Variants in UGT1A8 observed in about 807,000 individuals in gnomAD.
The protein encoded by UGT1A8 is UDP glucuronosyltransferase family 1 member A8.
In UGT1A8, 39 loss-of-function variants were observed where a neutral mutation model predicts 45.3. The ratio of observed to expected loss-of-function variants is 0.86; its 90% CI spans 0.67 to 1.12. The LOEUF (loss-of-function observed/expected upper bound fraction) is 1.12, where lower values mean the gene tolerates loss of function less well. Ranked by LOEUF, UGT1A8 falls within the 50% of genes most tolerant of loss-of-function variation. The probability of loss-of-function intolerance (pLI) is 0.00; values close to 1 mark genes in which losing one functional copy is unlikely to be tolerated. For synonymous variants in UGT1A8, 275 were observed against 249.2 expected, an observed-to-expected ratio of 1.10 and a Z score of -0.97; for missense variants, 719 against 664.9, an observed-to-expected ratio of 1.08 and a Z score of -0.90.
chr2:233,637,300 G>A, intron 1 of UGT1A8: 1 of 1,613,900 alleles, frequency 6.2e-7, no homozygotes, highest in South Asian at 1.1e-5. Flanking sequence ...CTTTGTTTTG[G>A]ACTATCCCAA....
At chr2:233,666,356 A>G (rs2074075613) in intron 1 of UGT1A8, among the ~76,000 whole-genome samples, 1 of 152,198 alleles carries the variant, frequency 6.6e-6, no homozygotes, top group South Asian at 2.1e-4. Context: ...CAGCTATATC[A>G]TTTGATATGC....
intron 1 of UGT1A8, among the ~76,000 whole-genome samples, chr2:233,661,637 T>TTCTC (rs1299275192): frequency 1.4e-5 from 2 of 138,192 alleles, no homozygotes; most frequent in Non-Finnish European, 3.2e-5. Context: ...CTTTCTTTCT[T>TTCTC]TCTTTCTTTC....
chr2:233,742,039 T>C (rs553186051), intron 1 of UGT1A8: 6 of 152,044 alleles, frequency 3.9e-5, no homozygotes, highest in African/African-American at 1.5e-4. Context: ...GTCCCAAGCA[T>C]AGCAATAGGA....
At chr2:233,649,272 A>G (rs1039598994) in intron 1 of UGT1A8, among the ~76,000 whole-genome samples, 8 of 152,214 alleles carry the variant, frequency 5.3e-5, no homozygotes, top group African/African-American at 1.9e-4. Flanking sequence ...AAAATTTTGA[A>G]ACAGAGTATT....
chr2:233,647,162 C>T (rs114141026), intron 1 of UGT1A8, among the ~76,000 whole-genome samples: 3,030 of 152,256 alleles, frequency 0.02, 97 homozygotes, highest in African/African-American at 0.069. Flanking sequence ...TCACGGGAAA[C>T]GCCCAGCCCC....
chr2:233,681,530 C>CAA (rs747693860), intron 1 of UGT1A8, among the ~76,000 whole-genome samples: 3,703 of 77,430 alleles, frequency 0.048, 125 homozygotes, highest in Non-Finnish European at 0.069. Flanking sequence ...GACTCCATCT[C>CAA]AAAAAAAAAA....
chr2:233,733,069 G>A (rs899757131), intron 1 of UGT1A8, among the ~76,000 whole-genome samples: 2 of 152,108 alleles, frequency 1.3e-5, no homozygotes, highest in African/African-American at 4.8e-5. Context: ...TCTCTTTGTA[G>A]CAATTGTGAA....
intron 1 of UGT1A8, chr2:233,691,515 G>A: frequency 3.0e-6 from 3 of 985,716 alleles, no homozygotes; most frequent in Non-Finnish European, 2.4e-6. Context: ...TGCCAGCCAG[G>A]TGTGCATGAC....
chr2:233,634,199 T>G (rs1559316733), intron 1 of UGT1A8, among the ~76,000 whole-genome samples: 1 of 152,230 alleles, frequency 6.6e-6, no homozygotes, highest in Non-Finnish European at 1.5e-5. Flanking sequence ...TCTGTTCTTT[T>G]GCATTTTCTG....
chr2:233,715,125 A>AT (rs1340415834), intron 1 of UGT1A8, among the ~76,000 whole-genome samples: 1 of 152,104 alleles, frequency 6.6e-6, no homozygotes, highest in Non-Finnish European at 1.5e-5. Flanking sequence ...ATCTCAAGTG[A>AT]TTCACTCACC....
chr2:233,619,133 A>T (rs534440850), intron 1 of UGT1A8, among the ~76,000 whole-genome samples: 56 of 152,144 alleles, frequency 3.7e-4, no homozygotes, highest in African/African-American at 1.3e-3. Flanking sequence ...ATTTATATGC[A>T]ATATCTAATG....
At chr2:233,667,404 T>C (rs1457681333) in intron 1 of UGT1A8, among the ~76,000 whole-genome samples, 2 of 152,214 alleles carry the variant, frequency 1.3e-5, no homozygotes. Flanking sequence ...AAGACTTAAA[T>C]GTTAGACCTT....
chr2:233,690,068 C>T (rs2074973510), intron 1 of UGT1A8, among the ~76,000 whole-genome samples: 1 of 152,216 alleles, frequency 6.6e-6, no homozygotes, highest in South Asian at 2.1e-4. Flanking sequence ...CCCCACCTCA[C>T]AGCCTATCAA....
chr2:233,724,560 G>GCA (rs2077282425), intron 1 of UGT1A8, among the ~76,000 whole-genome samples: 1 of 129,456 alleles, frequency 7.7e-6, no homozygotes, highest in Non-Finnish European at 1.6e-5. Context: ...CATCCCAGAT[G>GCA]GGGCGGCGGG....
At position 233,767,942 on chromosome 2, in the gene UGT1A8, T is replaced by A; in HGVS notation, c.1075+6T>A. On this transcript the variant is annotated splice_donor_region_variant and intron_variant, in intron 3 of 4. Transcript: ENST00000373450. ...ACCCCAAAACGATCTGCTTGGTATG[T>A]TGGGCGGATTGGATGTATAGGTCAA... is the stretch of plus-strand genomic sequence containing the variant. 1 of 1,614,210 alleles carries A rather than the reference T, an allele frequency of 6.2e-7. No individual in the cohort carries two copies. The highest frequency in any genetic ancestry group is 1.3e-5 in the African/African-American group (1 of 75,040).
chr2:233,768,908 GA>G (rs1376378983), intron 4 of UGT1A8, among the ~76,000 whole-genome samples: 2 of 152,020 alleles, frequency 1.3e-5, no homozygotes, highest in African/African-American at 4.8e-5. Context: ...AGATAATTTA[GA>G]GGTTATTATT....
At chr2:233,736,701 G>T (rs1378628991) in intron 1 of UGT1A8, among the ~76,000 whole-genome samples, 1 of 152,172 alleles carries the variant, frequency 6.6e-6, no homozygotes, top group Non-Finnish European at 1.5e-5. Context: ...ATGGGGTTTT[G>T]GTGTAGATGT....
At chr2:233,720,033 T>A (rs13401281) in intron 1 of UGT1A8, among the ~76,000 whole-genome samples, 3 of 152,074 alleles carry the variant, frequency 2.0e-5, no homozygotes, top group South Asian at 4.2e-4. Context: ...TTTGCTTGCC[T>A]GATTTTCAGC....
chr2:233,676,145 C>G (rs923422051), intron 1 of UGT1A8, among the ~76,000 whole-genome samples: 1 of 152,166 alleles, frequency 6.6e-6, no homozygotes, highest in Non-Finnish European at 1.5e-5. Context: ...TGAGCTCCAG[C>G]GTCAGACTCC....
Sources: allele counts gnomAD v4.1 joint callset (sites outside exome capture counted in the v4.1 genomes callset), GRCh38; gene constraint gnomAD v4.1.1; transcripts MANE v1.5; gene names NCBI Gene and HGNC (gene_info 2026-07-23, HGNC 2026-07-21).